ZMAT4: variants seen among roughly 807,000 people sequenced by gnomAD.
The protein encoded by ZMAT4 is zinc finger matrin-type protein 4.
A neutral mutation model predicts 28.7 loss-of-function variants in ZMAT4; 17 were observed. That is an observed-to-expected ratio of 0.59 (90% CI 0.41 to 0.89). ZMAT4 has a LOEUF of 0.89. ZMAT4 is among the 40% of genes least tolerant of loss of function. The pLI, the probability that ZMAT4 is intolerant of heterozygous loss-of-function variation, is 0.00. For missense variants in ZMAT4, 240 were observed against 283.8 expected, an observed-to-expected ratio of 0.85 and a Z score of 1.11; for synonymous variants, 117 against 109.2, an observed-to-expected ratio of 1.07 and a Z score of -0.44.
Position 40,896,120 on chromosome 8 carries a change from A to C in ZMAT4, c.-5+1563T>G, listed in dbSNP as rs149233999. The stretch of plus-strand genomic sequence containing the variant: ...TTTAACCATTGTGAATAGAGTTTCA[A>C]TAATCACAGTTCCCACCCAAAATAG... On this transcript the variant is annotated intron_variant, in intron 1 of 6. Coordinates refer to ENST00000297737, the MANE Select transcript of ZMAT4 (RefSeq NM_024645.3). Among the ~76,000 whole-genome samples, 317 of 152,374 alleles carry C rather than the reference A, an allele frequency of 2.1e-3. 1 individual carries two copies. Among genetic ancestry groups the C allele is most frequent in the African/African-American group, 7.3e-3 (302 of 41,590 alleles).
At position 40,751,172 on chromosome 8, in the gene ZMAT4, T is replaced by C. The variant is rs192495039; in HGVS notation, c.192+16469A>G. ...ATCTGGGAAGGACATTGACCTCTGC[T>C]AGCTGCAAATCAACTTTATTAAGCC... On this transcript the variant is annotated intron_variant, in intron 3 of 6. Coordinates refer to ENST00000297737, the MANE Select transcript of ZMAT4 (RefSeq NM_024645.3). Among the ~76,000 whole-genome samples the C allele has an allele frequency of 2.8e-3, 431 of 152,312 alleles. 1 individual carries two copies. The highest frequency in any genetic ancestry group is 9.4e-3 in the African/African-American group (390 of 41,570).
chr8:40,889,659 A>G (rs1818596620), intron 1 of ZMAT4, among the ~76,000 whole-genome samples: 1 of 152,162 alleles, frequency 6.6e-6, no homozygotes, highest in African/African-American at 2.4e-5. Flanking sequence ...TTACTTGCTT[A>G]ATATATATTA....
intron 5 of ZMAT4, among the ~76,000 whole-genome samples, chr8:40,590,712 A>AGTGTGTGTGTGT (rs3221714): frequency 1.1e-4 from 17 of 150,370 alleles, no homozygotes; most frequent in Admixed American, 6.0e-4. Context: ...TTTCAGTATA[A>AGTGTGTGTGTGT]GTGTGTGTGT....
At chr8:40,578,076 C>T (rs1804328731) in intron 6 of ZMAT4, among the ~76,000 whole-genome samples, 1 of 151,962 alleles carries the variant, frequency 6.6e-6, no homozygotes, top group Admixed American at 6.6e-5. Flanking sequence ...ACAGTGAAGA[C>T]AGTCTTGAAT....
At chr8:40,803,831 A>G (rs1361482072) in intron 2 of ZMAT4, among the ~76,000 whole-genome samples, 1 of 152,246 alleles carries the variant, frequency 6.6e-6, no homozygotes, top group Non-Finnish European at 1.5e-5. Flanking sequence ...AGCAACCAAG[A>G]GGCCCTTCAG....
chr8:40,660,309 C>T (rs1808129508), intron 5 of ZMAT4, among the ~76,000 whole-genome samples: 1 of 152,086 alleles, frequency 6.6e-6, no homozygotes, highest in African/African-American at 2.4e-5. Context: ...GTTGAAGTGG[C>T]TTTTTCAAGA....
chr8:40,594,975 A>C (rs1010522085), intron 5 of ZMAT4, among the ~76,000 whole-genome samples: 1 of 152,260 alleles, frequency 6.6e-6, no homozygotes, highest in African/African-American at 2.4e-5. Flanking sequence ...AGCTGTTGAC[A>C]CAGTGGATCT....
intron 2 of ZMAT4, among the ~76,000 whole-genome samples, chr8:40,770,791 G>A (rs959764994): frequency 3.9e-5 from 6 of 151,948 alleles, no homozygotes; most frequent in South Asian, 4.2e-4. Context: ...CAAGTGAGCC[G>A]CCCACCTCAG....
chr8:40,897,298 A>T (rs190325461), intron 1 of ZMAT4, among the ~76,000 whole-genome samples: 159 of 152,304 alleles, frequency 1.0e-3, no homozygotes, highest in African/African-American at 3.6e-3. Context: ...CGGAAAACAC[A>T]AACAACCAAT....
intron 4 of ZMAT4, among the ~76,000 whole-genome samples, chr8:40,686,746 T>C (rs559366361): frequency 6.6e-6 from 1 of 152,254 alleles, no homozygotes; most frequent in Admixed American, 6.5e-5. Context: ...AAATCACAAC[T>C]CTGGTGGGTT....
intron 5 of ZMAT4, among the ~76,000 whole-genome samples, chr8:40,653,009 A>G (rs547035315): frequency 7.0e-4 from 107 of 151,912 alleles, no homozygotes; most frequent in African/African-American, 2.5e-3. Context: ...GGTGCAGTGC[A>G]CCAGCATGGC....
intron 4 of ZMAT4, among the ~76,000 whole-genome samples, chr8:40,695,498 C>A (rs1259101094): frequency 2.6e-5 from 4 of 152,220 alleles, no homozygotes; most frequent in Non-Finnish European, 5.9e-5. Context: ...GCACCACACC[C>A]TATTCGTTCC....
At chr8:40,776,670 G>A (rs1228468966) in intron 2 of ZMAT4, among the ~76,000 whole-genome samples, 1 of 152,104 alleles carries the variant, frequency 6.6e-6, no homozygotes, top group African/African-American at 2.4e-5. Flanking sequence ...TTAAAGGTAG[G>A]GATAAGAGAA....
At chr8:40,565,007 C>T (rs948539529) in intron 6 of ZMAT4, among the ~76,000 whole-genome samples, 1 of 152,172 alleles carries the variant, frequency 6.6e-6, no homozygotes, top group Non-Finnish European at 1.5e-5. Flanking sequence ...TGGAGCTGCT[C>T]ATTTGCTACC....
intron 1 of ZMAT4, among the ~76,000 whole-genome samples, chr8:40,865,296 G>A (rs1817637524): frequency 6.6e-6 from 1 of 152,194 alleles, no homozygotes; most frequent in South Asian, 2.1e-4. Flanking sequence ...AATACAAGGT[G>A]CAAATACAAG....
At chr8:40,626,172 G>A (rs1052562221) in intron 5 of ZMAT4, among the ~76,000 whole-genome samples, 11 of 151,008 alleles carry the variant, frequency 7.3e-5, no homozygotes, top group African/African-American at 2.7e-4. Context: ...GAGCATGAGG[G>A]AGATGTATAC....
At chr8:40,868,093 A>G (rs1817734325) in intron 1 of ZMAT4, among the ~76,000 whole-genome samples, 3 of 152,226 alleles carry the variant, frequency 2.0e-5, no homozygotes, top group African/African-American at 7.2e-5. Context: ...GGACATATAT[A>G]TGATATATAA....
intron 6 of ZMAT4, among the ~76,000 whole-genome samples, chr8:40,561,953 A>G (rs79604491): frequency 6.6e-6 from 1 of 152,144 alleles, no homozygotes; most frequent in Non-Finnish European, 1.5e-5. Context: ...AGAGAGAAAA[A>G]GAGAGGGAGA....
intron 6 of ZMAT4, among the ~76,000 whole-genome samples, chr8:40,555,735 C>A (rs1803512599): frequency 6.6e-6 from 1 of 152,112 alleles, no homozygotes; most frequent in South Asian, 2.1e-4. Flanking sequence ...TGATCATTTA[C>A]AGCATGAATT....
Sources: gnomAD v4.1 joint callset for allele counts (sites outside exome capture counted in the v4.1 genomes callset) on GRCh38, gnomAD v4.1.1 for gene constraint, MANE v1.5 for transcripts, NCBI Gene and HGNC (gene_info 2026-07-23, HGNC 2026-07-21) for gene names.